LCOR: variants seen among roughly 807,000 people sequenced by gnomAD.
LCOR encodes ligand-dependent corepressor.
A neutral mutation model predicts 64.4 loss-of-function variants in LCOR; 14 were observed. The ratio of observed to expected loss-of-function variants is 0.22; its 90% CI spans 0.14 to 0.34. LCOR has a LOEUF of 0.34. LCOR is among the 10% of genes least tolerant of loss of function. The probability of loss-of-function intolerance (pLI) is 1.00; values close to 1 mark genes in which losing one functional copy is unlikely to be tolerated. For synonymous variants in LCOR, 643 were observed against 642.5 expected (o/e 1.00, Z -0.01); for missense variants, 1,686 against 1,765.3 (o/e 0.96, Z 0.80).
intron 2 of LCOR, among the ~76,000 whole-genome samples, chr10:96,842,945 AT>A (rs1290123785): frequency 2.0e-5 from 3 of 152,100 alleles, no homozygotes; most frequent in Non-Finnish European, 4.4e-5. Flanking sequence ...GTTTATACAA[AT>A]TTTTGAAATA....
At chr10:96,862,126 G>A (rs1845897396) in intron 2 of LCOR, among the ~76,000 whole-genome samples, 2 of 152,212 alleles carry the variant, frequency 1.3e-5, no homozygotes, top group African/African-American at 4.8e-5. Context: ...CATAGGGCAA[G>A]GCATGGAGGA....
At chr10:96,956,300 C>G (rs1847782681) in intron 7 of LCOR, 8 of 994,396 alleles carry the variant, frequency 8.0e-6, no homozygotes, top group Non-Finnish European at 9.6e-6. Context: ...GAAGAGGAAA[C>G]AAAGCCCCCT....
intron 2 of LCOR, among the ~76,000 whole-genome samples, chr10:96,906,506 GAT>G (rs1846730878): frequency 6.6e-6 from 1 of 152,118 alleles, no homozygotes; most frequent in African/African-American, 2.4e-5. Flanking sequence ...AGATGGCAAA[GAT>G]ATTTTTAAAT....
At chr10:96,843,255 A>G (rs1356876544) in intron 2 of LCOR, among the ~76,000 whole-genome samples, 1 of 151,950 alleles carries the variant, frequency 6.6e-6, no homozygotes, top group East Asian at 1.9e-4. Flanking sequence ...CCCCTGGAGT[A>G]TCTGGGAATG....
intron 2 of LCOR, among the ~76,000 whole-genome samples, chr10:96,853,419 G>T (rs777702315): frequency 6.6e-6 from 1 of 152,220 alleles, no homozygotes; most frequent in Non-Finnish European, 1.5e-5. Context: ...AAATAAGATA[G>T]TGTTTCAGTT....
intron 2 of LCOR, among the ~76,000 whole-genome samples, chr10:96,877,354 A>C (rs76932421): frequency 7.9e-5 from 12 of 152,028 alleles, no homozygotes; most frequent in African/African-American, 2.2e-4. Flanking sequence ...TGAAAACCCT[A>C]TCTCTACAAA....
chr10:96,908,723 C>CTTT (rs35691585), intron 4 of LCOR, among the ~76,000 whole-genome samples: 1 of 148,170 alleles, frequency 6.7e-6, no homozygotes, highest in Non-Finnish European at 1.5e-5. Flanking sequence ...CGTATACACT[C>CTTT]TTTTTTTTTT....
At chr10:96,956,858 A>G (rs1589682223) in intron 7 of LCOR, 1 of 985,434 alleles carries the variant, frequency 1.0e-6, no homozygotes, top group Non-Finnish European at 1.2e-6. Context: ...CTAACTGAAT[A>G]TCATTGCAGC....
chr10:96,981,210 T>G lies in LCOR; in HGVS notation c.750T>G (p.Leu250=). Residue 250 remains leucine (L), a synonymous_variant, in exon 8 of 8, where the codon CTT becomes CTG. Coordinates refer to ENST00000421806, the MANE Select transcript of LCOR (RefSeq NM_001346516.2). The part of the protein sequence containing the change: ...LTVVQKDSSE[L]PTTKSNSINS... ...TTGTCCAGAAAGATTCCTCTGAACTTCCAACCACTAAATCGAATTCTATTA... is the reference window on the plus strand; with the variant it reads ...TTGTCCAGAAAGATTCCTCTGAACTGCCAACCACTAAATCGAATTCTATTA... 1 of 774,060 alleles carries G rather than the reference T, an allele frequency of 1.3e-6. No homozygotes were observed. Among genetic ancestry groups the G allele is most frequent in the Non-Finnish European group, 2.2e-6 (1 of 449,256 alleles). 47.9% of individuals were successfully genotyped at this position (774,060 alleles called of 1,614,324 possible).
chr10:96,840,059 C>T (rs1210803014), intron 2 of LCOR, among the ~76,000 whole-genome samples: 3 of 152,134 alleles, frequency 2.0e-5, no homozygotes. Flanking sequence ...CTTGGTTTCT[C>T]TGATTTTTGA....
intron 2 of LCOR, among the ~76,000 whole-genome samples, chr10:96,863,208 T>G (rs1845917830): frequency 7.5e-6 from 1 of 134,166 alleles, no homozygotes. Flanking sequence ...CTTTTTCTGT[T>G]TTTTTTTTTT....
In LCOR at chr10:96,983,240, T is replaced by G; in HGVS notation, c.2780T>G (p.Ile927Ser). The G allele has an allele frequency of 6.2e-7, 1 of 1,613,768 alleles. No homozygotes were observed. Among genetic ancestry groups the G allele is most frequent in the Non-Finnish European group, 8.5e-7 (1 of 1,179,960 alleles). ...GAAGTCAAGGAGTTACGAGGAGAGA[T>G]TTTCCCCAGCAGGGACCCCATAACC... ...DKEVKELRGEIFPSRDPITTA... is the reference protein window; with the variant it reads ...DKEVKELRGESFPSRDPITTA... The change falls in exon 8 of 8, where the codon ATT becomes AGT. Residue 927 changes from isoleucine (I) to serine (S), a missense_variant. Coordinates refer to ENST00000421806, the MANE Select transcript of LCOR (RefSeq NM_001346516.2). This position sits in a 1 kb window ranked among gnomAD's most constrained non-coding sequence, Gnocchi z 4.5.
chr10:96,901,243 C>T (rs1846631977), intron 2 of LCOR, among the ~76,000 whole-genome samples: 1 of 151,976 alleles, frequency 6.6e-6, no homozygotes, highest in African/African-American at 2.4e-5. Flanking sequence ...CAGGTCAAAC[C>T]CCTGGACTCA....
chr10:96,938,571 A>C (rs568464384), intron 4 of LCOR, among the ~76,000 whole-genome samples: 1 of 152,160 alleles, frequency 6.6e-6, no homozygotes. Flanking sequence ...AAGTCATTCA[A>C]ATTGCAAAAG....
chr10:96,965,864 C>T (rs1847944412), intron 7 of LCOR, among the ~76,000 whole-genome samples: 1 of 152,026 alleles, frequency 6.6e-6, no homozygotes, highest in South Asian at 2.1e-4. Flanking sequence ...CCATAACTAA[C>T]TTGTTTATGG....
chr10:96,958,932 A>G (rs989606884), intron 7 of LCOR: 1 of 151,896 alleles, frequency 6.6e-6, no homozygotes, highest in African/African-American at 2.4e-5. Flanking sequence ...AAAAAACAAA[A>G]AGCTGCTGGA....
intron 2 of LCOR, among the ~76,000 whole-genome samples, chr10:96,859,974 C>T (rs1181624405): frequency 2.0e-5 from 3 of 152,184 alleles, no homozygotes; most frequent in Non-Finnish European, 4.4e-5. Context: ...GTGTGGTTCT[C>T]TGACTTGACC....
At chr10:96,974,421 T>G (rs1160468704) in intron 7 of LCOR, among the ~76,000 whole-genome samples, 1 of 152,246 alleles carries the variant, frequency 6.6e-6, no homozygotes, top group African/African-American at 2.4e-5. Context: ...CAGAGTCCTC[T>G]TGATGAGCAG....
At chr10:96,967,330 C>T (rs1847960712) in intron 7 of LCOR, among the ~76,000 whole-genome samples, 1 of 152,142 alleles carries the variant, frequency 6.6e-6, no homozygotes, top group African/African-American at 2.4e-5. Context: ...GGGGTTTCAC[C>T]ATGGTTGGCC....
Sources: gnomAD v4.1 joint callset for allele counts (sites outside exome capture counted in the v4.1 genomes callset) on GRCh38, gnomAD v4.1.1 for gene constraint, Gnocchi (gnomAD v3.1) non-coding constraint, MANE v1.5 for transcripts, NCBI Gene and HGNC (gene_info 2026-07-23, HGNC 2026-07-21) for gene names.